The following CDYL variants were observed in gnomAD, a reference collection of about 807,000 sequenced individuals.
CDYL encodes the protein chromodomain Y-like protein.
Under a neutral mutation model 47.3 loss-of-function variants are expected in CDYL, and 8 were observed. The ratio of observed to expected loss-of-function variants is 0.17; its 90% CI spans 0.10 to 0.31. CDYL has a LOEUF of 0.31. CDYL is among the 10% of genes least tolerant of loss of function. The probability of loss-of-function intolerance (pLI) is 1.00; values close to 1 mark genes in which losing one functional copy is unlikely to be tolerated. For missense variants in CDYL, 471 were observed against 701.4 expected (o/e 0.67, Z 3.71); for synonymous variants, 266 against 265.0 (o/e 1.00, Z -0.04).
intron 3 of CDYL, among the ~76,000 whole-genome samples, chr6:4,762,631 A>G (rs1340416536): frequency 7.0e-6 from 1 of 142,854 alleles, no homozygotes; most frequent in Non-Finnish European, 1.5e-5. Context: ...AGGATATTCC[A>G]GATTAAAGGG....
At chr6:4,794,615 A>C (rs1581170994) in intron 1 of CDYL, among the ~76,000 whole-genome samples, 1 of 152,126 alleles carries the variant, frequency 6.6e-6, no homozygotes, top group African/African-American at 2.4e-5. Flanking sequence ...GTGCAGGGAC[A>C]GTGGCTGGAA....
At chr6:4,739,475 C>T (rs1353921204) in intron 3 of CDYL, among the ~76,000 whole-genome samples, 10 of 145,602 alleles carry the variant, frequency 6.9e-5, no homozygotes, top group African/African-American at 2.0e-4. Context: ...GCCGAGATCT[C>T]GCCATTTGCA....
chr6:4,918,627 C>T (rs1012985931), intron 2 of CDYL, among the ~76,000 whole-genome samples: 1 of 152,118 alleles, frequency 6.6e-6, no homozygotes, highest in Non-Finnish European at 1.5e-5. Context: ...CATGAATTTG[C>T]GTCTGTAATT....
At chr6:4,709,075 C>T (rs1195096266) in intron 1 of CDYL, among the ~76,000 whole-genome samples, 1 of 151,836 alleles carries the variant, frequency 6.6e-6, no homozygotes, top group Non-Finnish European at 1.5e-5. Flanking sequence ...TAAAAATAAA[C>T]TCACCTTTCT....
rs756015073 is a variant in CDYL, at chr6:4,954,153, C to T, written c.*97C>T. The T allele has an allele frequency of 2.2e-4, 291 of 1,349,010 alleles. No homozygotes were observed. Among genetic ancestry groups the T allele is most frequent in the Non-Finnish European group, 2.8e-4 (273 of 989,342 alleles). The allele number at this position is 1,349,010 out of a possible 1,614,324, so 83.6% of individuals were successfully genotyped here. A position where few individuals can be genotyped will look rare whatever the true frequency, so the allele number is the denominator to read the frequency against. On this transcript the variant is annotated 3_prime_UTR_variant, in exon 7 of 7. Coordinates refer to ENST00000397588, the MANE Select transcript of CDYL (RefSeq NM_004824.4). ...ATCCATTCTCACAGCCTGAAACAAG[C>T]TCACCCGTAGCTTACGCTTGGAAGC...
At chr6:4,894,831 A>C (rs1401837026) in intron 2 of CDYL, among the ~76,000 whole-genome samples, 1 of 132,950 alleles carries the variant, frequency 7.5e-6, no homozygotes, top group Admixed American at 7.3e-5. Context: ...TGTCCACAAA[A>C]GTCGTGTGTG....
chr6:4,784,531 G>A (rs1758701455), intron 1 of CDYL, among the ~76,000 whole-genome samples: 1 of 152,166 alleles, frequency 6.6e-6, no homozygotes, highest in Non-Finnish European at 1.5e-5. Flanking sequence ...GTTTTCAAGA[G>A]GACTGTTTAT....
chr6:4,883,441 C>G (rs1452364904), intron 1 of CDYL, among the ~76,000 whole-genome samples: 1 of 152,166 alleles, frequency 6.6e-6, no homozygotes, highest in Non-Finnish European at 1.5e-5. Context: ...AGAATTCTAT[C>G]AGAAGCAGCA....
intron 3 of CDYL, among the ~76,000 whole-genome samples, chr6:4,767,297 GGGCGCAGT>G (rs1758270168): frequency 6.6e-6 from 1 of 151,912 alleles, no homozygotes; most frequent in African/African-American, 2.4e-5. Flanking sequence ...GATGGAGACT[GGGCGCAGT>G]GGCTCACACC....
intron 6 of CDYL, 51 bp from the exon 7 acceptor site, chr6:4,953,847 C>T (rs747742086): frequency 1.7e-5 from 27 of 1,557,904 alleles, no homozygotes; most frequent in East Asian, 1.4e-4. Context: ...ACAGGGGACC[C>T]GTGTCTGCCC....
rs563870359 is a variant in CDYL, at chr6:4,931,795, C to T, written c.692-3720C>T. 2.6e-4 allele frequency among the ~76,000 whole-genome samples: 39 copies of T among 152,260 alleles called. No homozygotes were observed. The South Asian group carries it at 7.5e-3, about 29-fold the overall frequency. On this transcript the variant is annotated intron_variant, in intron 2 of 6. Transcript: ENST00000397588. ...GAAATGAGCAGGGACCTCACTGGCACGAGGAGCCAACACAGTTTTAACTCA... is the reference window on the plus strand; with the variant it reads ...GAAATGAGCAGGGACCTCACTGGCATGAGGAGCCAACACAGTTTTAACTCA...
At chr6:4,835,537 G>A (rs998351785) in intron 1 of CDYL, among the ~76,000 whole-genome samples, 4 of 152,250 alleles carry the variant, frequency 2.6e-5, no homozygotes, top group Non-Finnish European at 5.9e-5. Context: ...GGACCCACTT[G>A]AGGAGGCAGT....
chr6:4,917,089 A>C (rs1757578318), intron 2 of CDYL, among the ~76,000 whole-genome samples: 1 of 152,148 alleles, frequency 6.6e-6, no homozygotes, highest in Admixed American at 6.5e-5. Flanking sequence ...GATTCTACTG[A>C]GTTTGTAACC....
At chr6:4,897,790 G>GTTTTT (rs375666284) in intron 2 of CDYL, among the ~76,000 whole-genome samples, 36 of 140,258 alleles carry the variant, frequency 2.6e-4, no homozygotes, top group African/African-American at 4.7e-4. Context: ...GAAGGTTTTT[G>GTTTTT]TTTTTTTTTT....
intron 1 of CDYL, among the ~76,000 whole-genome samples, chr6:4,814,675 AC>A (rs1275409331): frequency 6.6e-6 from 1 of 152,078 alleles, no homozygotes; most frequent in African/African-American, 2.4e-5. Flanking sequence ...ACAGCCGGCT[AC>A]CATGCCTGGC....
At chr6:4,945,091 C>T (rs142045909) in intron 5 of CDYL, among the ~76,000 whole-genome samples, 49 of 152,162 alleles carry the variant, frequency 3.2e-4, no homozygotes, top group African/African-American at 1.1e-3. Flanking sequence ...CAAGGGGACA[C>T]GACAGCTCAG....
intron 2 of CDYL, among the ~76,000 whole-genome samples, chr6:4,909,634 A>T (rs370078387): frequency 4.6e-5 from 7 of 152,196 alleles, no homozygotes; most frequent in Middle Eastern, 3.4e-3. Flanking sequence ...CAGTAGCACC[A>T]TCTCAGCTTG....
intron 1 of CDYL, among the ~76,000 whole-genome samples, chr6:4,796,812 T>C (rs1759083630): frequency 6.6e-6 from 1 of 152,218 alleles, no homozygotes; most frequent in African/African-American, 2.4e-5. Flanking sequence ...CTTTTATCAG[T>C]TTAATGTGTT....
chr6:4,719,144 C>T lies in CDYL; in HGVS notation c.103+3263C>T, dbSNP rs541865367. On this transcript the variant is annotated intron_variant, in intron 2 of 8. Transcript: ENST00000328908. ...TTTGCCATGTTGGCCAGGCTGGTCT[C>T]GAACTCCTGACCTCAGGTAATCCAC... is the stretch of plus-strand genomic sequence containing the variant. 4.6e-5 allele frequency among the ~76,000 whole-genome samples: 7 copies of T among 152,054 alleles called. No individual in the cohort carries two copies. The South Asian group carries it at 6.2e-4, about 14-fold the overall frequency.
Sources: allele counts gnomAD v4.1 joint callset (sites outside exome capture counted in the v4.1 genomes callset), GRCh38; gene constraint gnomAD v4.1.1; transcripts MANE v1.5; gene names NCBI Gene and HGNC (gene_info 2026-07-23, HGNC 2026-07-21).